AKT3: variants seen among roughly 807,000 people sequenced by gnomAD.
AKT3 encodes AKT serine/threonine kinase 3, also known as RAC-gamma serine/threonine-protein kinase.
AKT3 carries 15 observed loss-of-function variants against 65.3 expected under a neutral mutation model. That is an observed-to-expected ratio of 0.23 (90% CI 0.15 to 0.35). The LOEUF (loss-of-function observed/expected upper bound fraction) is 0.35, where lower values mean the gene tolerates loss of function less well. Ranked by LOEUF, AKT3 falls within the 10% of genes least tolerant of loss-of-function variation. The probability of loss-of-function intolerance (pLI) is 1.00; values close to 1 mark genes in which losing one functional copy is unlikely to be tolerated. For synonymous variants in AKT3, 206 were observed against 183.8 expected, an observed-to-expected ratio of 1.12 and a Z score of -0.98; for missense variants, 243 against 576.5, an observed-to-expected ratio of 0.42 and a Z score of 5.92.
intron 2 of AKT3, among the ~76,000 whole-genome samples, chr1:243,771,824 C>G (rs1188174697): frequency 6.6e-6 from 1 of 152,122 alleles, no homozygotes; most frequent in Non-Finnish European, 1.5e-5. Context: ...CAGCATGGTA[C>G]TGGTACCAAA....
At chr1:243,631,635 T>C (rs1328365700) in intron 6 of AKT3, among the ~76,000 whole-genome samples, 1 of 152,210 alleles carries the variant, frequency 6.6e-6, no homozygotes, top group African/African-American at 2.4e-5. Flanking sequence ...CCATATTGAC[T>C]TTCTCTTCCA....
At chr1:243,506,145 C>G (rs143147803) in intron 13 of AKT3, among the ~76,000 whole-genome samples, 1 of 152,252 alleles carries the variant, frequency 6.6e-6, no homozygotes, top group African/African-American at 2.4e-5. Flanking sequence ...TGCGCTCCCA[C>G]GCATCTGCTC....
intron 2 of AKT3, among the ~76,000 whole-genome samples, chr1:243,816,478 C>CT (rs1693529724): frequency 6.6e-6 from 1 of 152,064 alleles, no homozygotes; most frequent in African/African-American, 2.4e-5. Flanking sequence ...CTGACACTAC[C>CT]TTTAGTTCTA....
At chr1:243,752,418 C>T (rs916715317) in intron 2 of AKT3, among the ~76,000 whole-genome samples, 6 of 152,090 alleles carry the variant, frequency 3.9e-5, no homozygotes, top group Non-Finnish European at 7.4e-5. Context: ...ATAAATGTTA[C>T]GGAAATTATG....
At chr1:243,652,889 G>A (rs535844773) in intron 4 of AKT3, among the ~76,000 whole-genome samples, 2 of 151,004 alleles carry the variant, frequency 1.3e-5, no homozygotes, top group African/African-American at 2.4e-5. Flanking sequence ...TAAAGGGATC[G>A]ATGCAACAAA....
intron 2 of AKT3, among the ~76,000 whole-genome samples, chr1:243,770,684 G>C (rs981105115): frequency 1.4e-5 from 2 of 146,152 alleles, no homozygotes; most frequent in African/African-American, 2.5e-5. Context: ...TTCATTTTGT[G>C]TTTGAGAGAT....
intron 4 of AKT3, among the ~76,000 whole-genome samples, chr1:243,658,864 CAAAA>C (rs58117921): frequency 1.2e-5 from 1 of 82,920 alleles, no homozygotes. Flanking sequence ...CTTGTCTCTA[CAAAA>C]AAAAAAAAAA....
intron 2 of AKT3, among the ~76,000 whole-genome samples, chr1:243,745,277 T>A (rs768729187): frequency 6.6e-6 from 1 of 152,106 alleles, no homozygotes; most frequent in Non-Finnish European, 1.5e-5. Flanking sequence ...GAGGTTGAGG[T>A]TGCAGTGAGC....
chr1:243,713,752 A>T (rs1686307590), intron 2 of AKT3, among the ~76,000 whole-genome samples: 2 of 138,386 alleles, frequency 1.4e-5, no homozygotes, highest in Non-Finnish European at 3.2e-5. Context: ...TTAATAAAAA[A>T]AAAAAAAAAA....
intron 12 of AKT3, among the ~76,000 whole-genome samples, chr1:243,538,094 T>C (rs902097667): frequency 1.3e-5 from 2 of 152,164 alleles, no homozygotes; most frequent in Non-Finnish European, 2.9e-5. Context: ...TAAAATATAA[T>C]TATCTAAAGC....
At chr1:243,533,449 T>C (rs932157988) in intron 12 of AKT3, among the ~76,000 whole-genome samples, 6 of 152,214 alleles carry the variant, frequency 3.9e-5, no homozygotes, top group African/African-American at 1.2e-4. Flanking sequence ...AAGAGCAAAG[T>C]ACCTATGGCA....
rs1013226086 is a variant in AKT3 at position 243,756,834 on chromosome 1, C to T, written c.47-61118G>A. On this transcript the variant is annotated intron_variant, in intron 2 of 13. Coordinates refer to ENST00000673466, the MANE Select transcript of AKT3 (RefSeq NM_005465.7). ...GGAGAAAACTAGTAGTCACTACCTT[C>T]AGGTGATCAAAGTTAACATCAGTAA... Among the ~76,000 whole-genome samples, 3 of 152,190 alleles carry T rather than the reference C, an allele frequency of 2.0e-5. No individual in the cohort carries two copies. The South Asian group carries it at 6.2e-4, about 31-fold the overall frequency.
intron 6 of AKT3, among the ~76,000 whole-genome samples, chr1:243,627,331 T>TAAA (rs199839602): frequency 3.5e-5 from 5 of 142,966 alleles, no homozygotes; most frequent in Admixed American, 6.9e-5. Context: ...CTGTTTCAAT[T>TAAA]AAAAAAAAAA....
chr1:243,559,234 C>T (rs1309061166), intron 10 of AKT3, among the ~76,000 whole-genome samples: 2 of 152,114 alleles, frequency 1.3e-5, no homozygotes, highest in South Asian at 4.1e-4. Flanking sequence ...TAAAACTATA[C>T]ATACAAATGC....
chr1:243,553,015 AT>A, intron 10 of AKT3, 72 bp from the exon 11 acceptor site: 2 of 1,211,184 alleles, frequency 1.7e-6, no homozygotes, highest in Non-Finnish European at 2.3e-6. Flanking sequence ...AAAACATAAG[AT>A]TTTTACATAA....
chr1:243,509,629 C>T (rs1353714028), intron 13 of AKT3, among the ~76,000 whole-genome samples: 2 of 152,212 alleles, frequency 1.3e-5, no homozygotes, highest in Non-Finnish European at 2.9e-5. Context: ...CCCTCCACTA[C>T]ACCACCCCTG....
At chr1:243,550,081 C>T (rs1672942400) in intron 11 of AKT3, among the ~76,000 whole-genome samples, 1 of 152,216 alleles carries the variant, frequency 6.6e-6, no homozygotes, top group South Asian at 2.1e-4. Flanking sequence ...TCTGATCCAG[C>T]TCAAGTCCCC....
chr1:243,721,013 A>G (rs1360690874), intron 2 of AKT3, among the ~76,000 whole-genome samples: 4 of 152,072 alleles, frequency 2.6e-5, no homozygotes, highest in African/African-American at 9.7e-5. Flanking sequence ...GATCTCTCTC[A>G]TCTTCTCCTG....
intron 2 of AKT3, among the ~76,000 whole-genome samples, chr1:243,833,491 G>A (rs1394169283): frequency 2.0e-5 from 3 of 150,624 alleles, no homozygotes; most frequent in Non-Finnish European, 4.4e-5. Flanking sequence ...GAACAGCATG[G>A]GGGAAACTGC....
Sources: gnomAD v4.1 joint callset for allele counts (sites outside exome capture counted in the v4.1 genomes callset) on GRCh38, gnomAD v4.1.1 for gene constraint, MANE v1.5 for transcripts, NCBI Gene and HGNC (gene_info 2026-07-23, HGNC 2026-07-21) for gene names.